Variants in CNTNAP4 observed in about 807,000 individuals in gnomAD.
The protein encoded by CNTNAP4 is contactin associated protein family member 4.
Under a neutral mutation model 148.4 loss-of-function variants are expected in CNTNAP4, and 98 were observed. The observed-to-expected ratio is 0.66, with a 90% confidence interval of 0.56 to 0.78. CNTNAP4 has a LOEUF of 0.78. Ranked by LOEUF, CNTNAP4 falls within the 30% of genes least tolerant of loss-of-function variation. The pLI, the probability that CNTNAP4 is intolerant of heterozygous loss-of-function variation, is 0.00. For synonymous variants in CNTNAP4, 730 were observed against 565.1 expected (o/e 1.29, Z -4.14); for missense variants, 1,935 against 1,565.6 (o/e 1.24, Z -3.98).
At chr16:76,423,347 G>C (rs969125569) in intron 3 of CNTNAP4, among the ~76,000 whole-genome samples, 2 of 152,054 alleles carry the variant, frequency 1.3e-5, no homozygotes, top group Admixed American at 6.6e-5. Context: ...AGCTTGGCAT[G>C]CATTCAAAAT....
At chr16:76,510,326 C>G (rs116315987) in intron 15 of CNTNAP4, among the ~76,000 whole-genome samples, 1 of 152,078 alleles carries the variant, frequency 6.6e-6, no homozygotes, top group African/African-American at 2.4e-5. Flanking sequence ...AATACATCAA[C>G]GCTTCATTCT....
Position 76,456,465 on chromosome 16 carries a change from A to G in CNTNAP4, c.1333+3696A>G, listed in dbSNP as rs182443227. Among the ~76,000 whole-genome samples, 441 of 152,322 alleles carry G rather than the reference A, an allele frequency of 2.9e-3. 2 individuals are homozygous for G. Among genetic ancestry groups the G allele is most frequent in the African/African-American group, 9.7e-3 (405 of 41,570 alleles). ...GGTCATTCATAAGTATCAGGAGAGAAAGAAGTTTGTGTTTTTGAGGTTTGT... is the reference window on the plus strand; with the variant it reads ...GGTCATTCATAAGTATCAGGAGAGAGAGAAGTTTGTGTTTTTGAGGTTTGT... On this transcript the variant is annotated intron_variant, in intron 8 of 23. Coordinates refer to ENST00000611870, the MANE Select transcript of CNTNAP4 (RefSeq NM_033401.5).
rs138437233 is a variant in CNTNAP4 at position 76,395,921 on chromosome 16, G to A, written c.391-31531G>A. Among the ~76,000 whole-genome samples the A allele has an allele frequency of 7.2e-4, 110 of 151,982 alleles. 1 individual carries two copies. Among genetic ancestry groups the A allele is most frequent in the African/African-American group, 2.5e-3 (103 of 41,466 alleles). On this transcript the variant is annotated intron_variant, in intron 3 of 23. Transcript: ENST00000611870. ...TTTTTGTATTTTTAGTAGAGATGGG[G>A]TTTCACCATGTTTGGCAGGCTGGTC...
chr16:76,434,963 G>T (rs4448978), intron 4 of CNTNAP4, among the ~76,000 whole-genome samples: 1 of 152,188 alleles, frequency 6.6e-6, no homozygotes, highest in African/African-American at 2.4e-5. Context: ...CCTAAAATCA[G>T]CGTCAACTCA....
At chr16:76,363,572 C>T (rs2013709972) in intron 3 of CNTNAP4, among the ~76,000 whole-genome samples, 1 of 152,092 alleles carries the variant, frequency 6.6e-6, no homozygotes, top group African/African-American at 2.4e-5. Context: ...AGCTTCACGA[C>T]ATTGGTCTTG....
intron 7 of CNTNAP4, among the ~76,000 whole-genome samples, chr16:76,452,126 T>G (rs2080512501): frequency 6.6e-6 from 1 of 152,150 alleles, no homozygotes; most frequent in Non-Finnish European, 1.5e-5. Context: ...TAGTGTAGTT[T>G]GCTGTTCAGC....
chr16:76,540,864 T>A (rs1484979997), intron 21 of CNTNAP4, 74 bp downstream of exon 21: 6 of 981,240 alleles, frequency 6.1e-6, no homozygotes, highest in South Asian at 1.4e-5. Context: ...AAAGTCATAT[T>A]ACACACACCC....
intron 3 of CNTNAP4, among the ~76,000 whole-genome samples, chr16:76,369,903 C>G (rs1480349972): frequency 6.6e-6 from 1 of 151,994 alleles, no homozygotes; most frequent in South Asian, 2.1e-4. Context: ...CCGTTTTGTT[C>G]TATTTTAGCC....
At chr16:76,537,301 C>T (rs914859940) in intron 18 of CNTNAP4, among the ~76,000 whole-genome samples, 1 of 152,132 alleles carries the variant, frequency 6.6e-6, no homozygotes, top group Non-Finnish European at 1.5e-5. Context: ...GGAGCCTAAA[C>T]ATTACTGTAT....
At chr16:76,440,165 A>G (rs542791056) in intron 4 of CNTNAP4, among the ~76,000 whole-genome samples, 1 of 152,230 alleles carries the variant, frequency 6.6e-6, no homozygotes, top group African/African-American at 2.4e-5. Flanking sequence ...TGAAATAGCT[A>G]TATATTTTTT....
rs2080290243 is a variant in CNTNAP4, at chr16:76,447,412, G to A, written c.539-600G>A. Among the ~76,000 whole-genome samples the A allele has an allele frequency of 2.0e-5, 3 of 151,202 alleles. No homozygotes were observed. In the South Asian group the frequency reaches 6.3e-4, roughly 32 times the overall value. ...ATTTAAAAATGTATTTCTAGATCAT[G>A]AATTTTGTAAACAGGTTAGTAAAGA... On this transcript the variant is annotated intron_variant, in intron 4 of 23. Coordinates refer to ENST00000611870, the MANE Select transcript of CNTNAP4 (RefSeq NM_033401.5).
intron 2 of CNTNAP4, among the ~76,000 whole-genome samples, chr16:76,354,245 A>G (rs1305977295): frequency 6.6e-6 from 1 of 152,240 alleles, no homozygotes; most frequent in Admixed American, 6.5e-5. Context: ...GCAATGTTAA[A>G]TAATTCTTAA....
chr16:76,399,567 A>T (rs1407449109), intron 3 of CNTNAP4, among the ~76,000 whole-genome samples: 1 of 152,228 alleles, frequency 6.6e-6, no homozygotes, highest in Non-Finnish European at 1.5e-5. Context: ...ATACCTACAC[A>T]GTTGACAATG....
intron 4 of CNTNAP4, among the ~76,000 whole-genome samples, chr16:76,441,514 A>T (rs2080039731): frequency 6.6e-6 from 1 of 152,130 alleles, no homozygotes; most frequent in Non-Finnish European, 1.5e-5. Context: ...TTCTTGCTGT[A>T]AATGTGAAGA....
In CNTNAP4 at chr16:76,409,870, T is replaced by C. The variant is rs533905540; in HGVS notation, c.391-17582T>C. 7.9e-5 allele frequency among the ~76,000 whole-genome samples: 12 copies of C among 152,062 alleles called. No homozygotes were observed. The South Asian group carries it at 2.3e-3, about 29-fold the overall frequency. On this transcript the variant is annotated intron_variant, in intron 3 of 23. Transcript: ENST00000611870. ...AAACTGTCTGTAACACTGTGCCATC[T>C]GTGAAGACTTAATCACTATACAACA...
intron 2 of CNTNAP4, among the ~76,000 whole-genome samples, chr16:76,337,361 G>C (rs1184729641): frequency 6.6e-6 from 1 of 152,130 alleles, no homozygotes; most frequent in Non-Finnish European, 1.5e-5. Flanking sequence ...AGTACAAATA[G>C]AGAAATTTTA....
At chr16:76,459,095 A>G (rs1231305104) in intron 8 of CNTNAP4, among the ~76,000 whole-genome samples, 3 of 152,222 alleles carry the variant, frequency 2.0e-5, no homozygotes, top group Non-Finnish European at 4.4e-5. Flanking sequence ...GTCTAAAATG[A>G]AATAAGAGAA....
intron 15 of CNTNAP4, among the ~76,000 whole-genome samples, chr16:76,502,949 C>A (rs2082709522): frequency 6.6e-6 from 1 of 152,128 alleles, no homozygotes; most frequent in Admixed American, 6.5e-5. Context: ...TAAAACATGA[C>A]TGTTGGACCT....
Position 76,404,465 on chromosome 16 carries a change from G to T in CNTNAP4, c.391-22987G>T, listed in dbSNP as rs7205910. 5.2e-3 allele frequency among the ~76,000 whole-genome samples: 794 copies of T among 151,714 alleles called. 9 individuals carry two copies. The highest frequency in any genetic ancestry group is 0.019 in the African/African-American group (770 of 41,416). ...ACACAGACACACACACACACAAAGA[G>T]GTCAATATTGGGACTTCTTTCTCCA... On this transcript the variant is annotated intron_variant, in intron 3 of 23. Transcript: ENST00000611870.
Sources: gnomAD v4.1 joint callset for allele counts (sites outside exome capture counted in the v4.1 genomes callset) on GRCh38, gnomAD v4.1.1 for gene constraint, MANE v1.5 for transcripts, NCBI Gene and HGNC (gene_info 2026-07-23, HGNC 2026-07-21) for gene names.